SMARCA5: variants seen among roughly 807,000 people sequenced by gnomAD.
SMARCA5 encodes the protein SWI/SNF-related matrix-associated actin-dependent regulator of chromatin subfamily A member 5.
SMARCA5 carries 18 observed loss-of-function variants against 140.4 expected under a neutral mutation model. That is an observed-to-expected ratio of 0.13 (90% CI 0.09 to 0.19). SMARCA5 has a LOEUF of 0.19. SMARCA5 is among the 10% of genes least tolerant of loss of function. The pLI is 1.00. For synonymous variants in SMARCA5, 449 were observed against 419.6 expected, an observed-to-expected ratio of 1.07 and a Z score of -0.86; for missense variants, 606 against 1,276.8, an observed-to-expected ratio of 0.47 and a Z score of 8.01.
intron 14 of SMARCA5, among the ~76,000 whole-genome samples, chr4:143,542,517 C>T (rs1398137402): frequency 3.3e-5 from 5 of 152,190 alleles, no homozygotes; most frequent in African/African-American, 9.6e-5. Flanking sequence ...TATCTCCTCA[C>T]TTACAAAGTC....
chr4:143,533,498 CTTTTTTTTTTTTTTT>C (rs10580434), intron 9 of SMARCA5, among the ~76,000 whole-genome samples: 25 of 127,536 alleles, frequency 2.0e-4, no homozygotes, highest in Admixed American at 8.2e-5. Context: ...CTTGTCCATT[CTTTTTTTTTTTTTTT>C]TTTTTTTTTT....
chr4:143,530,593 A>T (rs1737164623), intron 9 of SMARCA5, 67 bp downstream of exon 9: 2 of 1,076,016 alleles, frequency 1.9e-6, no homozygotes, highest in African/African-American at 3.2e-5. Context: ...TTAAATTAGT[A>T]GATTATTTTC....
intron 10 of SMARCA5, 64 bp from the exon 11 acceptor site, chr4:143,536,388 G>A (rs1737305724): frequency 1.8e-6 from 2 of 1,095,962 alleles, no homozygotes; most frequent in South Asian, 2.6e-5. Context: ...GATTAAGTAT[G>A]TAAAGTGGCA....
At chr4:143,530,026 T>C (rs956290595) in intron 8 of SMARCA5, among the ~76,000 whole-genome samples, 4 of 152,320 alleles carry the variant, frequency 2.6e-5, no homozygotes, top group Middle Eastern at 3.4e-3. Flanking sequence ...AATGAAATGC[T>C]GGTAATTTCA....
chr4:143,551,016 G>C (rs189234797), intron 23 of SMARCA5, among the ~76,000 whole-genome samples: 1 of 152,036 alleles, frequency 6.6e-6, no homozygotes, highest in East Asian at 1.9e-4. Context: ...ACTAATTTGC[G>C]TTCCCACCAA....
At chr4:143,528,790 C>T in intron 8 of SMARCA5, 76 bp downstream of exon 8, 1 of 1,375,652 alleles carries the variant, frequency 7.3e-7, no homozygotes, top group Non-Finnish European at 9.9e-7. Context: ...TAAAAGTGGC[C>T]TGCCTTTTAG....
intron 23 of SMARCA5, 120 bp from the exon 24 acceptor site, chr4:143,552,999 A>G (rs1332727565): frequency 8.8e-6 from 6 of 678,320 alleles, no homozygotes; most frequent in South Asian, 1.9e-5. Flanking sequence ...AGCCTGGGGG[A>G]AAAGTCTCAT....
rs1737718495 is a variant in SMARCA5 at position 143,555,013 on chromosome 4, T to C, written c.*1829T>C. ...GTTTGGCCAAGTTCACAAATCTGTT[T>C]TAACCTGTCACTTCCCTGTCACTTC... On this transcript the variant is annotated 3_prime_UTR_variant, in exon 24 of 24. Transcript: ENST00000283131. 2.0e-6 allele frequency: 1 copy of C among 500,006 alleles called. No individual in the cohort carries two copies. The highest frequency in any genetic ancestry group is 2.4e-5 in the Admixed American group (1 of 42,238). The allele number at this position is 500,006 out of a possible 1,614,324, so 31.0% of individuals were successfully genotyped here. A position where few individuals can be genotyped will look rare whatever the true frequency, so the allele number is the denominator to read the frequency against.
intron 2 of SMARCA5, among the ~76,000 whole-genome samples, chr4:143,521,165 T>G (rs1413422100): frequency 6.6e-6 from 1 of 152,192 alleles, no homozygotes; most frequent in Non-Finnish European, 1.5e-5. Context: ...TCTAATCAGT[T>G]CTTGCTCCCA....
chr4:143,551,643 T>C (rs964690251), intron 23 of SMARCA5, among the ~76,000 whole-genome samples: 1 of 152,182 alleles, frequency 6.6e-6, no homozygotes, highest in African/African-American at 2.4e-5. Flanking sequence ...TACCATTTAT[T>C]GAAGAGACTG....
intron 16 of SMARCA5, 55 bp downstream of exon 16, chr4:143,544,027 G>A: frequency 2.2e-6 from 3 of 1,347,256 alleles, no homozygotes; most frequent in Non-Finnish European, 3.0e-6. Context: ...TGGAAACTTG[G>A]AATTTTAAGT....
chr4:143,536,340 GT>G (rs1737304567), intron 10 of SMARCA5, 111 bp from the exon 11 acceptor site: 1 of 711,748 alleles, frequency 1.4e-6, no homozygotes, highest in South Asian at 1.7e-5. Flanking sequence ...TTGATGAGTA[GT>G]TTCTTACAGA....
At chr4:143,540,879 C>G (rs1469856903) in intron 14 of SMARCA5, among the ~76,000 whole-genome samples, 1 of 152,124 alleles carries the variant, frequency 6.6e-6, no homozygotes, top group Non-Finnish European at 1.5e-5. Context: ...CTCTTGATTA[C>G]TGTGGGGAAA....
chr4:143,553,163 A>G lies in SMARCA5; in HGVS notation c.3138A>G (p.Arg1046=). ...ATGGCGCACCTGATGGTCGAGGAAGAAAAAAGAAGCTGAAACTATGAATAT... is the reference window on the plus strand; with the variant it reads ...ATGGCGCACCTGATGGTCGAGGAAGGAAAAAGAAGCTGAAACTATGAATAT... The part of the protein sequence containing the change: ...KMDGAPDGRG[R]KKKLKL The change falls in exon 24 of 24, where the codon AGA becomes AGG. Residue 1046 remains arginine, a synonymous_variant. Coordinates refer to ENST00000283131, the MANE Select transcript of SMARCA5 (RefSeq NM_003601.4). 6.2e-7 allele frequency: 1 copy of G among 1,612,356 alleles called. No homozygotes were observed.
Position 143,521,413 on chromosome 4 carries a change from A to C in SMARCA5, c.253-16A>C. On this transcript the variant is annotated splice_polypyrimidine_tract_variant and intron_variant, in intron 2 of 23. Coordinates refer to ENST00000283131, the MANE Select transcript of SMARCA5 (RefSeq NM_003601.4). Reference sequence around the variant, plus strand: ...TGATACTCTGATAAAATGTATCTTAAATTTTTTTTTTTCAGCAAACTGACC... The same window carrying C: ...TGATACTCTGATAAAATGTATCTTACATTTTTTTTTTTCAGCAAACTGACC... 1 of 1,575,282 alleles carries C rather than the reference A, an allele frequency of 6.3e-7. No homozygotes were observed. Among genetic ancestry groups the C allele is most frequent in the Non-Finnish European group, 8.6e-7 (1 of 1,157,540 alleles).
rs905101524 is a variant in SMARCA5 at position 143,538,603 on chromosome 4, A to G, written c.1509A>G (p.Leu503=). ...ATTCCCCAACAGGTTCACGAGTACT[A>G]ATCTTCAGTCAAATGACAAGGGTAT... ...PKLKEQGSRV[L]IFSQMTRVLD... The change falls in exon 12 of 24, where the codon CTA becomes CTG. Residue 503 remains leucine, a synonymous_variant. Coordinates refer to ENST00000283131, the MANE Select transcript of SMARCA5 (RefSeq NM_003601.4). 6.2e-7 allele frequency: 1 copy of G among 1,612,742 alleles called. No homozygotes were observed. Among genetic ancestry groups the G allele is most frequent in the Non-Finnish European group, 8.5e-7 (1 of 1,178,794 alleles).
Position 143,556,636 on chromosome 4 carries a change from T to C in SMARCA5, c.*3452T>C, listed in dbSNP as rs1478663312. The C allele has an allele frequency of 6.6e-6, 1 of 152,224 alleles. No homozygotes were observed. Among genetic ancestry groups the C allele is most frequent in the African/African-American group, 2.4e-5 (1 of 41,466 alleles). 9.4% of individuals were successfully genotyped at this position (152,224 alleles called of 1,614,324 possible). On this transcript the variant is annotated 3_prime_UTR_variant, in exon 24 of 24. Coordinates refer to ENST00000283131, the MANE Select transcript of SMARCA5 (RefSeq NM_003601.4). The stretch of plus-strand genomic sequence containing the variant: ...AAAATATATACATATTTTGTATATG[T>C]ACATAGCTGTTACCAAAATGTATCT...
intron 1 of SMARCA5, among the ~76,000 whole-genome samples, chr4:143,516,191 C>G (rs1736827231): frequency 1.4e-5 from 2 of 144,878 alleles, no homozygotes. Flanking sequence ...ACAGAGTAAA[C>G]CCAGCATTCA....
In SMARCA5 at chr4:143,521,545, G is replaced by T; in HGVS notation, c.369G>T (p.Gly123=). The change falls in exon 3 of 24, where the codon GGG becomes GGT. Residue 123 remains glycine (G), a synonymous_variant. Coordinates refer to ENST00000283131, the MANE Select transcript of SMARCA5 (RefSeq NM_003601.4). ...CTTCACCTTTGAAGATGAAACCAGG[G>T]CGCCCACGAATAAAAAAAGATGAGA... The part of the protein sequence containing the change: ...TPTSPLKMKP[G]RPRIKKDEKQ... The T allele has an allele frequency of 6.2e-7, 1 of 1,613,256 alleles. No individual in the cohort carries two copies. The highest frequency in any genetic ancestry group is 8.5e-7 in the Non-Finnish European group (1 of 1,179,656).
Sources: gnomAD v4.1 joint callset for allele counts (sites outside exome capture counted in the v4.1 genomes callset) on GRCh38, gnomAD v4.1.1 for gene constraint, MANE v1.5 for transcripts, NCBI Gene and HGNC (gene_info 2026-07-23, HGNC 2026-07-21) for gene names.